Variants in CSMD1 observed in about 807,000 individuals in gnomAD.
CSMD1 encodes the protein CUB and sushi domain-containing protein 1.
CSMD1 carries 213 observed loss-of-function variants against 417.5 expected under a neutral mutation model. The ratio of observed to expected loss-of-function variants is 0.51; its 90% CI spans 0.46 to 0.57. The LOEUF is 0.57. Among genes scored for constraint, CSMD1 ranks in the 20% least tolerant of loss-of-function variants. CSMD1 has a pLI of 0.00. For synonymous variants in CSMD1, 2,862 were observed against 1,736.8 expected (o/e 1.65, Z -16.11); for missense variants, 6,923 against 4,529.7 (o/e 1.53, Z -15.17).
intron 3 of CSMD1, among the ~76,000 whole-genome samples, chr8:4,290,392 G>A (rs1053354625): frequency 6.6e-6 from 1 of 152,152 alleles, no homozygotes; most frequent in South Asian, 2.1e-4. Context: ...CGTAGGAAGT[G>A]GTAAACACAG....
chr8:4,949,694 G>C lies in CSMD1; in HGVS notation c.85+44638C>G, dbSNP rs1195615059. 2.0e-5 allele frequency among the ~76,000 whole-genome samples: 3 copies of C among 152,116 alleles called. No homozygotes were observed. The East Asian group carries it at 5.8e-4, about 29-fold the overall frequency. ...AGAAATACTGCATTAGTTATTATGA[G>C]AATTTTAATGGGATCATTTGGGTTA... is the stretch of plus-strand genomic sequence containing the variant. On this transcript the variant is annotated intron_variant, in intron 1 of 69. Transcript: ENST00000635120.
At chr8:3,768,244 C>T (rs774703956) in intron 5 of CSMD1, among the ~76,000 whole-genome samples, 19 of 152,244 alleles carry the variant, frequency 1.2e-4, no homozygotes, top group Non-Finnish European at 2.5e-4. Context: ...GGCAACAAGG[C>T]GGAGACGTAT....
intron 1 of CSMD1, among the ~76,000 whole-genome samples, chr8:4,677,525 G>C (rs766123572): frequency 6.6e-5 from 10 of 152,036 alleles, no homozygotes; most frequent in Non-Finnish European, 1.5e-4. Flanking sequence ...TCCAGTGAAG[G>C]ATTTCCTTAT....
chr8:3,651,769 C>A (rs538441085), intron 7 of CSMD1, among the ~76,000 whole-genome samples: 2 of 151,728 alleles, frequency 1.3e-5, no homozygotes, highest in African/African-American at 4.8e-5. Flanking sequence ...ACCAACAGAG[C>A]GCCTACCACC....
At chr8:3,664,984 A>G (rs1798608428) in intron 7 of CSMD1, among the ~76,000 whole-genome samples, 1 of 152,190 alleles carries the variant, frequency 6.6e-6, no homozygotes, top group East Asian at 1.9e-4. Flanking sequence ...TTCCTATTTT[A>G]TATGTATATT....
chr8:4,331,233 G>A (rs570289958), intron 3 of CSMD1, among the ~76,000 whole-genome samples: 1 of 152,142 alleles, frequency 6.6e-6, no homozygotes, highest in African/African-American at 2.4e-5. Context: ...GTGAGTCCCT[G>A]TGGGAACCTC....
chr8:3,426,058 G>T (rs569394346), intron 12 of CSMD1, among the ~76,000 whole-genome samples: 1 of 152,162 alleles, frequency 6.6e-6, no homozygotes, highest in Admixed American at 6.5e-5. Flanking sequence ...AAATATTCTT[G>T]ATAATCTGTG....
At chr8:4,042,512 C>T (rs1014416676) in intron 3 of CSMD1, among the ~76,000 whole-genome samples, 2 of 151,898 alleles carry the variant, frequency 1.3e-5, no homozygotes, top group African/African-American at 2.4e-5. Context: ...ACTGAAAGCC[C>T]GTCACTAGCA....
At chr8:3,586,486 C>T (rs986183) in intron 8 of CSMD1, among the ~76,000 whole-genome samples, 1 of 151,798 alleles carries the variant, frequency 6.6e-6, no homozygotes, top group Non-Finnish European at 1.5e-5. Context: ...AGCTTCAGAA[C>T]TAAACAAACA....
chr8:3,243,418 G>A (rs893744591), intron 26 of CSMD1, among the ~76,000 whole-genome samples: 1 of 151,076 alleles, frequency 6.6e-6, no homozygotes, highest in African/African-American at 2.4e-5. Flanking sequence ...TCCGAAAAGA[G>A]AGTCACTGAA....
chr8:4,889,728 G>A (rs753150390), intron 1 of CSMD1, among the ~76,000 whole-genome samples: 6 of 152,036 alleles, frequency 3.9e-5, no homozygotes, highest in Non-Finnish European at 7.4e-5. Context: ...TACCTTAATA[G>A]GTCCTTGGCT....
intron 10 of CSMD1, among the ~76,000 whole-genome samples, chr8:3,535,333 G>A (rs993282434): frequency 6.6e-6 from 1 of 152,140 alleles, no homozygotes; most frequent in Non-Finnish European, 1.5e-5. Flanking sequence ...TATATACCAT[G>A]CTGAGTCACT....
Position 4,115,354 on chromosome 8 carries a change from T to A in CSMD1, c.416-83255A>T, listed in dbSNP as rs563445004. Among the ~76,000 whole-genome samples the A allele has an allele frequency of 2.8e-4, 42 of 152,354 alleles. 1 individual carries two copies. Among genetic ancestry groups the A allele is most frequent in the Admixed American group, 2.2e-3 (34 of 15,310 alleles). Reference sequence around the variant, plus strand: ...ACATTTTAGACATAATACTGTTGCATAAAGGTTACACTACTGTGTACACAT... The same window carrying A: ...ACATTTTAGACATAATACTGTTGCAAAAAGGTTACACTACTGTGTACACAT... On this transcript the variant is annotated intron_variant, in intron 3 of 69. Transcript: ENST00000635120.
chr8:4,172,965 C>A (rs1249448926), intron 3 of CSMD1, among the ~76,000 whole-genome samples: 1 of 152,120 alleles, frequency 6.6e-6, no homozygotes, highest in Non-Finnish European at 1.5e-5. Flanking sequence ...AGGCAGGCAG[C>A]TAAACCATGC....
At chr8:4,046,985 G>A (rs958343826) in intron 3 of CSMD1, among the ~76,000 whole-genome samples, 4 of 152,138 alleles carry the variant, frequency 2.6e-5, no homozygotes, top group South Asian at 2.1e-4. Context: ...TTTCTTTCCA[G>A]AACCCTCCCT....
intron 6 of CSMD1, among the ~76,000 whole-genome samples, chr8:3,735,389 A>C (rs1796479749): frequency 6.6e-6 from 1 of 152,218 alleles, no homozygotes; most frequent in African/African-American, 2.4e-5. Flanking sequence ...GAAGTTGAGC[A>C]ACTGTATAAT....
In CSMD1 at chr8:4,816,270, T is replaced by C. The variant is rs568017487; in HGVS notation, c.85+178062A>G. Among the ~76,000 whole-genome samples, 521 of 152,172 alleles carry C rather than the reference T, an allele frequency of 3.4e-3. 2 individuals carry two copies. The highest frequency in any genetic ancestry group is 0.012 in the African/African-American group (508 of 41,510). On this transcript the variant is annotated intron_variant, in intron 1 of 69. Coordinates refer to ENST00000635120, the MANE Select transcript of CSMD1 (RefSeq NM_033225.6). Reference sequence around the variant, plus strand: ...TGCAATCTTGGCTCACTGCAAACTCTGCCTCCTGGGTTCAAGGGATTCTCC... The same window carrying C: ...TGCAATCTTGGCTCACTGCAAACTCCGCCTCCTGGGTTCAAGGGATTCTCC...
chr8:4,706,406 G>A (rs908296442), intron 1 of CSMD1, among the ~76,000 whole-genome samples: 1 of 152,130 alleles, frequency 6.6e-6, no homozygotes, highest in Non-Finnish European at 1.5e-5. Context: ...AGTGTATAAT[G>A]AAATTGCTAT....
chr8:4,708,388 C>A (rs369255257), intron 1 of CSMD1, among the ~76,000 whole-genome samples: 8 of 152,202 alleles, frequency 5.3e-5, no homozygotes, highest in African/African-American at 1.9e-4. Flanking sequence ...CTGTTCAGTG[C>A]CTAAAACTGA....
Sources: gnomAD v4.1 joint callset for allele counts (sites outside exome capture counted in the v4.1 genomes callset) on GRCh38, gnomAD v4.1.1 for gene constraint, MANE v1.5 for transcripts, NCBI Gene and HGNC (gene_info 2026-07-23, HGNC 2026-07-21) for gene names.